Variants in PLXNA4 observed in about 807,000 individuals in gnomAD.
The protein encoded by PLXNA4 is plexin A4, also known as plexin-A4.
PLXNA4 carries 44 observed loss-of-function variants against 191.8 expected under a neutral mutation model. The ratio of observed to expected loss-of-function variants is 0.23; its 90% CI spans 0.18 to 0.29. The LOEUF is 0.29. PLXNA4 is among the 10% of genes least tolerant of loss of function. The pLI, the probability that PLXNA4 is intolerant of heterozygous loss-of-function variation, is 1.00. For synonymous variants in PLXNA4, 1,082 were observed against 1,009.5 expected (o/e 1.07, Z -1.36); for missense variants, 1,800 against 2,488.8 (o/e 0.72, Z 5.89).
chr7:132,423,963 G>C (rs1378282247), intron 3 of PLXNA4, among the ~76,000 whole-genome samples: 1 of 152,162 alleles, frequency 6.6e-6, no homozygotes, highest in Non-Finnish European at 1.5e-5. Context: ...GGGCTGCATG[G>C]AGGTCAATGC....
intron 2 of PLXNA4, among the ~76,000 whole-genome samples, chr7:132,596,674 T>TGGAGCA (rs2116834249): frequency 6.6e-6 from 1 of 152,266 alleles, no homozygotes; most frequent in South Asian, 2.1e-4. Context: ...ATCAGACCCC[T>TGGAGCA]AGGTTGGCTC....
chr7:132,604,904 C>T (rs773577226), intron 2 of PLXNA4, among the ~76,000 whole-genome samples: 5 of 152,208 alleles, frequency 3.3e-5, no homozygotes, highest in African/African-American at 7.2e-5. Context: ...ACTCAACCCT[C>T]CTGGTCCTGC....
At chr7:132,151,310 G>GGAGGAGGAGGAGGAGA (rs1562884876) in intron 25 of PLXNA4, among the ~76,000 whole-genome samples, 2 of 35,534 alleles carry the variant, frequency 5.6e-5, no homozygotes, top group Non-Finnish European at 9.6e-5. Flanking sequence ...GGAGGAGGAA[G>GGAGGAGGAGGAGGAGA]AAGGAGGAGG....
At chr7:132,266,513 G>A (rs1314978661) in intron 4 of PLXNA4, 1 of 152,154 alleles carries the variant, frequency 6.6e-6, no homozygotes, top group Non-Finnish European at 1.5e-5. Context: ...GGAAACTATG[G>A]CAGTCTTAAG....
upstream of PLXNA4, chr7:132,576,801 T>C (rs1049934069): frequency 5.1e-5 from 8 of 157,662 alleles, no homozygotes; most frequent in Non-Finnish European, 8.1e-5. This position sits in a 1 kb window ranked among gnomAD's most constrained non-coding sequence, Gnocchi z 5.8. Context: ...GCTGCCCCCC[T>C]TCGTCCCCAC....
chr7:132,152,801 C>A (rs887925602), intron 25 of PLXNA4, among the ~76,000 whole-genome samples: 1 of 152,182 alleles, frequency 6.6e-6, no homozygotes, highest in Non-Finnish European at 1.5e-5. Context: ...GTAGCAAATC[C>A]TGGGGCAGAG....
chr7:132,577,365 G>A (rs1483121773), upstream of PLXNA4: 3 of 152,120 alleles, frequency 2.0e-5, no homozygotes, highest in East Asian at 2.0e-4. Flanking sequence ...CGCTCTCTGG[G>A]TCCTCCTCTC....
intron 9 of PLXNA4, among the ~76,000 whole-genome samples, chr7:132,217,499 G>A (rs932833720): frequency 2.0e-5 from 3 of 152,102 alleles, no homozygotes; most frequent in African/African-American, 7.2e-5. Flanking sequence ...CAGGGACCTG[G>A]GGAAGCTAAG....
intron 5 of PLXNA4, among the ~76,000 whole-genome samples, chr7:132,237,520 G>A (rs1798742333): frequency 6.6e-6 from 1 of 152,142 alleles, no homozygotes; most frequent in South Asian, 2.1e-4. Flanking sequence ...TGCCTCAGCG[G>A]GCAGGCAGCC....
intron 3 of PLXNA4, among the ~76,000 whole-genome samples, chr7:132,392,254 A>G (rs1285297719): frequency 2.6e-5 from 4 of 152,236 alleles, no homozygotes; most frequent in Non-Finnish European, 4.4e-5. Context: ...CAAGGGCATG[A>G]TGGGCCCTCG....
intron 25 of PLXNA4, among the ~76,000 whole-genome samples, chr7:132,149,169 CAA>C (rs1795522017): frequency 6.6e-6 from 1 of 151,988 alleles, no homozygotes; most frequent in Non-Finnish European, 1.5e-5. Flanking sequence ...GAGATTGGGT[CAA>C]AGAGTGTGGA....
chr7:132,527,387 T>C (rs549242823), intron 1 of PLXNA4, among the ~76,000 whole-genome samples: 2 of 152,154 alleles, frequency 1.3e-5, no homozygotes, highest in African/African-American at 2.4e-5. Context: ...TCAAAACTTG[T>C]AGGCATTTTA....
At chr7:132,384,695 C>A in intron 3 of PLXNA4, 1 of 1,008,730 alleles carries the variant, frequency 9.9e-7, no homozygotes, top group Non-Finnish European at 1.2e-6. Flanking sequence ...CGGTGGGCTC[C>A]ATCCTCTCTG....
intron 18 of PLXNA4, 151 bp downstream of exon 18, chr7:132,181,230 A>G: frequency 7.2e-7 from 1 of 1,393,466 alleles, no homozygotes; most frequent in Non-Finnish European, 9.7e-7. Flanking sequence ...GTACAGACTC[A>G]GAGAGAACAT....
At chr7:132,611,709 G>C (rs1803049519) in intron 2 of PLXNA4, among the ~76,000 whole-genome samples, 1 of 152,226 alleles carries the variant, frequency 6.6e-6, no homozygotes, top group Admixed American at 6.5e-5. Flanking sequence ...AGGGAGACCA[G>C]TACCAAAAGA....
At chr7:132,436,377 T>C (rs1026608509) in intron 3 of PLXNA4, among the ~76,000 whole-genome samples, 6 of 152,194 alleles carry the variant, frequency 3.9e-5, no homozygotes, top group Non-Finnish European at 5.9e-5. Flanking sequence ...ACGAACACCA[T>C]GCCACTATCC....
chr7:132,369,923 C>A (rs893396511), intron 3 of PLXNA4, among the ~76,000 whole-genome samples: 2 of 152,000 alleles, frequency 1.3e-5, no homozygotes, highest in Admixed American at 1.3e-4. Context: ...AAAAAATTAG[C>A]CGGGTGTGGT....
chr7:132,559,342 G>C (rs1244556825), intron 1 of PLXNA4, among the ~76,000 whole-genome samples: 2 of 152,164 alleles, frequency 1.3e-5, no homozygotes, highest in African/African-American at 4.8e-5. Flanking sequence ...ACAGCCCAAA[G>C]CACAAGACAA....
chr7:132,245,316 A>G (rs1017848542), intron 4 of PLXNA4, among the ~76,000 whole-genome samples: 1 of 152,176 alleles, frequency 6.6e-6, no homozygotes, highest in Non-Finnish European at 1.5e-5. Flanking sequence ...TCCCCTGGCC[A>G]CCAGACTCTA....
Sources: allele counts gnomAD v4.1 joint callset (sites outside exome capture counted in the v4.1 genomes callset), GRCh38; gene constraint gnomAD v4.1.1; non-coding constraint Gnocchi (gnomAD v3.1); transcripts MANE v1.5; gene names NCBI Gene and HGNC (gene_info 2026-07-23, HGNC 2026-07-21).